GRM7: variants seen among roughly 807,000 people sequenced by gnomAD.
GRM7 encodes glutamate metabotropic receptor 7, also known as metabotropic glutamate receptor 7.
In GRM7, 35 loss-of-function variants were observed where a neutral mutation model predicts 84.5. The ratio of observed to expected loss-of-function variants is 0.41; its 90% CI spans 0.32 to 0.55. GRM7 has a LOEUF of 0.55. Ranked by LOEUF, GRM7 falls within the 20% of genes least tolerant of loss-of-function variation. The pLI, the probability that GRM7 is intolerant of heterozygous loss-of-function variation, is 0.19. For synonymous variants in GRM7, 487 were observed against 455.1 expected (o/e 1.07, Z -0.89); for missense variants, 1,003 against 1,194.6 (o/e 0.84, Z 2.36).
intron 9 of GRM7, among the ~76,000 whole-genome samples, chr3:7,693,867 T>C (rs554666299): frequency 6.6e-6 from 1 of 152,308 alleles, no homozygotes; most frequent in East Asian, 1.9e-4. Context: ...GAAATTGCAC[T>C]AAAGATGTCT....
chr3:7,117,418 C>T (rs995168741), intron 1 of GRM7, among the ~76,000 whole-genome samples: 1 of 152,198 alleles, frequency 6.6e-6, no homozygotes, highest in Non-Finnish European at 1.5e-5. Flanking sequence ...CCTTGGAACC[C>T]ATAGACTAAC....
intron 2 of GRM7, among the ~76,000 whole-genome samples, chr3:7,214,597 G>A (rs529026683): frequency 2.0e-5 from 3 of 152,196 alleles, no homozygotes; most frequent in African/African-American, 7.2e-5. Flanking sequence ...ATGTAGACAA[G>A]TACTTGAGCT....
intron 5 of GRM7, among the ~76,000 whole-genome samples, chr3:7,450,189 T>A (rs712791): frequency 0.69 from 105,336 of 151,934 alleles, 36,750 homozygotes; most frequent in Non-Finnish European, 0.73. Context: ...AAGAAGCTCA[T>A]TTTCCTTTAT....
intron 1 of GRM7, among the ~76,000 whole-genome samples, chr3:7,039,499 A>C (rs1472428823): frequency 6.6e-6 from 1 of 152,196 alleles, no homozygotes; most frequent in Admixed American, 6.5e-5. Flanking sequence ...TCAAGGGATT[A>C]GAGCAATGCA....
At chr3:6,966,002 T>A (rs1693502208) in intron 1 of GRM7, among the ~76,000 whole-genome samples, 1 of 152,170 alleles carries the variant, frequency 6.6e-6, no homozygotes, top group East Asian at 1.9e-4. Context: ...GCCAAGGTGA[T>A]CTGAAAGATT....
intron 9 of GRM7, among the ~76,000 whole-genome samples, chr3:7,691,881 G>A (rs1034045670): frequency 2.0e-5 from 3 of 152,008 alleles, no homozygotes; most frequent in African/African-American, 7.2e-5. Context: ...GGCTGGTCTC[G>A]AACTCCTGAC....
At chr3:7,696,190 C>A (rs1701010349) in intron 9 of GRM7, among the ~76,000 whole-genome samples, 1 of 152,092 alleles carries the variant, frequency 6.6e-6, no homozygotes. Context: ...GTGTTTGGAC[C>A]CATTTCTTTT....
chr3:7,450,838 G>T (rs1183112570), intron 5 of GRM7, among the ~76,000 whole-genome samples: 1 of 152,052 alleles, frequency 6.6e-6, no homozygotes, highest in Non-Finnish European at 1.5e-5. Flanking sequence ...TGGCATATGA[G>T]ATATTAATGG....
At chr3:7,010,435 C>T (rs549947660) in intron 1 of GRM7, among the ~76,000 whole-genome samples, 26 of 152,262 alleles carry the variant, frequency 1.7e-4, no homozygotes, top group Admixed American at 3.3e-4. Flanking sequence ...GCCTGGGTGA[C>T]GGAGCAAGAC....
intron 5 of GRM7, among the ~76,000 whole-genome samples, chr3:7,447,919 T>G (rs1697591626): frequency 3.1e-5 from 3 of 96,618 alleles, no homozygotes; most frequent in Admixed American, 1.7e-4. Context: ...CCCACAACAG[T>G]CCCCGGAATG....
chr3:7,160,700 G>A (rs1694596227), intron 2 of GRM7, among the ~76,000 whole-genome samples: 1 of 152,136 alleles, frequency 6.6e-6, no homozygotes, highest in Non-Finnish European at 1.5e-5. Flanking sequence ...ATTAGTTCAA[G>A]TTAAAAAGAA....
intron 8 of GRM7, among the ~76,000 whole-genome samples, chr3:7,617,447 A>T (rs1180819333): frequency 6.6e-6 from 1 of 151,654 alleles, no homozygotes; most frequent in Non-Finnish European, 1.5e-5. Flanking sequence ...TAAAACAGCT[A>T]AAAGTAAAGA....
At chr3:7,727,393 G>T (rs1164962082) in intron 9 of GRM7, among the ~76,000 whole-genome samples, 1 of 152,054 alleles carries the variant, frequency 6.6e-6, no homozygotes, top group Non-Finnish European at 1.5e-5. Flanking sequence ...TTTTAAAAAT[G>T]ATTATTGTTC....
intron 4 of GRM7, among the ~76,000 whole-genome samples, chr3:7,389,388 A>G (rs546358832): frequency 1.3e-5 from 2 of 152,118 alleles, no homozygotes; most frequent in African/African-American, 2.4e-5. Context: ...ATTAGGTTCA[A>G]TTGGTCAAGT....
intron 3 of GRM7, among the ~76,000 whole-genome samples, chr3:7,304,051 A>G (rs1363532533): frequency 6.6e-6 from 1 of 151,708 alleles, no homozygotes; most frequent in Non-Finnish European, 1.5e-5. Context: ...GCGGCCTCAT[A>G]TTTATTTTTA....
At chr3:7,554,162 A>G (rs1364773895) in intron 7 of GRM7, among the ~76,000 whole-genome samples, 2 of 152,242 alleles carry the variant, frequency 1.3e-5, no homozygotes, top group East Asian at 1.9e-4. Context: ...AGAAATACCT[A>G]TCATGGAGAA....
At chr3:7,173,270 T>TA (rs752073387) in intron 2 of GRM7, among the ~76,000 whole-genome samples, 1 of 152,166 alleles carries the variant, frequency 6.6e-6, no homozygotes, top group Non-Finnish European at 1.5e-5. Context: ...CTTTACTACT[T>TA]ACAATCCTGA....
At chr3:7,065,272 T>C (rs1697614434) in intron 1 of GRM7, among the ~76,000 whole-genome samples, 1 of 151,930 alleles carries the variant, frequency 6.6e-6, no homozygotes, top group Non-Finnish European at 1.5e-5. Flanking sequence ...CCTAAGCCAA[T>C]GTCTAAAATG....
intron 1 of GRM7, among the ~76,000 whole-genome samples, chr3:7,017,783 A>G (rs910682100): frequency 1.3e-5 from 2 of 152,188 alleles, no homozygotes; most frequent in Admixed American, 6.5e-5. Context: ...GTTGAGAACC[A>G]CTGACCTAGA....
Sources: gnomAD v4.1 joint callset for allele counts (sites outside exome capture counted in the v4.1 genomes callset) on GRCh38, gnomAD v4.1.1 for gene constraint, MANE v1.5 for transcripts, NCBI Gene and HGNC (gene_info 2026-07-23, HGNC 2026-07-21) for gene names.